PTPRG: variants seen among roughly 807,000 people sequenced by gnomAD.
PTPRG encodes protein tyrosine phosphatase receptor type G, also known as receptor-type tyrosine-protein phosphatase gamma.
A neutral mutation model predicts 165.3 loss-of-function variants in PTPRG; 102 were observed. The ratio of observed to expected loss-of-function variants is 0.62; its 90% CI spans 0.53 to 0.73. PTPRG has a LOEUF of 0.73. Among genes scored for constraint, PTPRG ranks in the 30% least tolerant of loss-of-function variants. PTPRG has a pLI of 0.00. For missense variants in PTPRG, 1,866 were observed against 1,861.4 expected, an observed-to-expected ratio of 1.00 and a Z score of -0.05; for synonymous variants, 675 against 669.5, an observed-to-expected ratio of 1.01 and a Z score of -0.13.
At chr3:61,736,270 G>A (rs2032720343) in intron 1 of PTPRG, among the ~76,000 whole-genome samples, 2 of 150,876 alleles carry the variant, frequency 1.3e-5, no homozygotes, top group South Asian at 4.2e-4. Context: ...ATCCATAGTA[G>A]AGCCTTCTGT....
chr3:62,051,008 G>T (rs6807026), intron 4 of PTPRG, among the ~76,000 whole-genome samples: 1 of 152,304 alleles, frequency 6.6e-6, no homozygotes, highest in East Asian at 1.9e-4. Flanking sequence ...GGAAGGAAAA[G>T]AATTGTTATC....
chr3:61,706,209 G>A (rs73842322), intron 1 of PTPRG, among the ~76,000 whole-genome samples: 24 of 147,698 alleles, frequency 1.6e-4, no homozygotes, highest in African/African-American at 5.0e-4. Context: ...CCCTGGGGGG[G>A]AAAAAAAAAA....
At chr3:62,048,465 T>C (rs1384573211) in intron 4 of PTPRG, among the ~76,000 whole-genome samples, 1 of 152,248 alleles carries the variant, frequency 6.6e-6, no homozygotes, top group East Asian at 1.9e-4. Context: ...AGAAAGTAAA[T>C]CCTTCTGTCT....
chr3:61,813,057 C>G (rs1183617732), intron 2 of PTPRG, among the ~76,000 whole-genome samples: 3 of 151,822 alleles, frequency 2.0e-5, no homozygotes, highest in African/African-American at 7.3e-5. Context: ...TTGGGAAAGA[C>G]TGTTGTATTT....
At chr3:62,111,094 T>C (rs542243409) in intron 5 of PTPRG, among the ~76,000 whole-genome samples, 1 of 152,356 alleles carries the variant, frequency 6.6e-6, no homozygotes, top group Non-Finnish European at 1.5e-5. Context: ...TTTCTCTTCA[T>C]ACATGTACAC....
intron 2 of PTPRG, among the ~76,000 whole-genome samples, chr3:61,840,095 T>C (rs2036581113): frequency 6.6e-6 from 1 of 152,222 alleles, no homozygotes; most frequent in African/African-American, 2.4e-5. Flanking sequence ...GATGTGTGCC[T>C]GCATTTTCCC....
chr3:61,723,314 A>AT, intron 1 of PTPRG, among the ~76,000 whole-genome samples: 1 of 151,836 alleles, frequency 6.6e-6, no homozygotes, highest in East Asian at 1.9e-4. Context: ...TCATGGCCTG[A>AT]TGATCTGTTG....
chr3:61,709,434 C>T (rs1299121847), intron 1 of PTPRG, among the ~76,000 whole-genome samples: 1 of 152,052 alleles, frequency 6.6e-6, no homozygotes, highest in Non-Finnish European at 1.5e-5. Context: ...CCTGCCTCAC[C>T]CTTCCGAATA....
chr3:61,957,923 C>G (rs1013193967), intron 2 of PTPRG, among the ~76,000 whole-genome samples: 1 of 152,184 alleles, frequency 6.6e-6, no homozygotes, highest in Non-Finnish European at 1.5e-5. Context: ...TATCCACTTA[C>G]TAACCTGTGA....
chr3:62,177,117 T>A (rs61670080), intron 8 of PTPRG, among the ~76,000 whole-genome samples: 24,577 of 151,072 alleles, frequency 0.16, 2,882 homozygotes, highest in East Asian at 0.34. Flanking sequence ...GAAAAAAAAA[T>A]TTATCTTTTT....
intron 2 of PTPRG, among the ~76,000 whole-genome samples, chr3:61,936,449 A>G (rs1254084750): frequency 1.3e-5 from 2 of 152,216 alleles, no homozygotes; most frequent in African/African-American, 2.4e-5. Context: ...GGCTTTGACC[A>G]GGTGGGACCA....
At chr3:61,946,240 A>C (rs554471157) in intron 2 of PTPRG, among the ~76,000 whole-genome samples, 24 of 152,204 alleles carry the variant, frequency 1.6e-4, no homozygotes, top group Non-Finnish European at 2.5e-4. Flanking sequence ...AAAATTTTCT[A>C]TCAAATGTGT....
At chr3:61,740,312 T>G (rs888288692) in intron 1 of PTPRG, among the ~76,000 whole-genome samples, 3 of 152,196 alleles carry the variant, frequency 2.0e-5, no homozygotes, top group Non-Finnish European at 4.4e-5. Context: ...TTTGATGCCG[T>G]GAGCCCAAAT....
chr3:61,949,207 A>G (rs538071915), intron 2 of PTPRG, among the ~76,000 whole-genome samples: 1 of 152,318 alleles, frequency 6.6e-6, no homozygotes, highest in Admixed American at 6.5e-5. Context: ...AACCAAACAA[A>G]AAAACCAGGT....
chr3:61,807,657 C>T (rs2035455403), intron 2 of PTPRG, among the ~76,000 whole-genome samples: 1 of 152,214 alleles, frequency 6.6e-6, no homozygotes, highest in Admixed American at 6.5e-5. Flanking sequence ...CACATATGTA[C>T]ACTTGTGTAA....
intron 2 of PTPRG, among the ~76,000 whole-genome samples, chr3:61,752,780 T>A: frequency 1.3e-4 from 1 of 7,470 alleles, no homozygotes; most frequent in Non-Finnish European, 2.9e-4. Context: ...AGAGCAAGAC[T>A]GTCTCAAAAA....
intron 1 of PTPRG, among the ~76,000 whole-genome samples, chr3:61,694,177 A>G (rs2030415652): frequency 1.3e-5 from 2 of 152,090 alleles, no homozygotes; most frequent in East Asian, 3.9e-4. Context: ...GCATGCTAAG[A>G]CGTGGGTGCA....
intron 2 of PTPRG, among the ~76,000 whole-genome samples, chr3:61,807,101 C>A (rs1226018416): frequency 1.3e-5 from 2 of 152,142 alleles, no homozygotes; most frequent in Non-Finnish European, 2.9e-5. Flanking sequence ...GAAAGAGAAG[C>A]CATTCAAATT....
intron 3 of PTPRG, among the ~76,000 whole-genome samples, chr3:61,992,406 T>TGGAGTTCA (rs1432879067): frequency 6.6e-6 from 1 of 152,338 alleles, no homozygotes; most frequent in Non-Finnish European, 1.5e-5. Flanking sequence ...TTGCCCGGGC[T>TGGAGTTCA]GGAGTTCAGT....
Sources: gnomAD v4.1 joint callset for allele counts (sites outside exome capture counted in the v4.1 genomes callset) on GRCh38, gnomAD v4.1.1 for gene constraint, MANE v1.5 for transcripts, NCBI Gene and HGNC (gene_info 2026-07-23, HGNC 2026-07-21) for gene names.